The following CYFIP1 variants were observed in gnomAD, a reference collection of about 807,000 sequenced individuals.
The protein encoded by CYFIP1 is cytoplasmic FMR1 interacting protein 1, also known as cytoplasmic FMR1-interacting protein 1.
CYFIP1 carries 58 observed loss-of-function variants against 163.5 expected under a neutral mutation model. That is an observed-to-expected ratio of 0.35 (90% CI 0.29 to 0.44). CYFIP1 has a LOEUF of 0.44. Among genes scored for constraint, CYFIP1 ranks in the 20% least tolerant of loss-of-function variants. The pLI is 1.00. For missense variants in CYFIP1, 1,338 were observed against 1,653.8 expected, an observed-to-expected ratio of 0.81 and a Z score of 3.31; for synonymous variants, 663 against 660.7, an observed-to-expected ratio of 1.00 and a Z score of -0.05.
At chr15:22,870,519 C>T (rs1035506223) in intron 30 of CYFIP1, among the ~76,000 whole-genome samples, 2 of 152,072 alleles carry the variant, frequency 1.3e-5, no homozygotes, top group African/African-American at 2.4e-5. Flanking sequence ...ATTATGCTGT[C>T]CAGGATGGTC....
chr15:22,947,871 C>T (rs1212535887), intron 1 of CYFIP1: 1 of 903,568 alleles, frequency 1.1e-6, no homozygotes. Flanking sequence ...GCAGCTGGAG[C>T]AGAGGTGCAG....
At chr15:22,912,310 C>T in intron 17 of CYFIP1, 35 bp from the exon 18 acceptor site, 1 of 1,514,362 alleles carries the variant, frequency 6.6e-7, no homozygotes, top group Non-Finnish European at 9.0e-7. Context: ...CCAGCAGCCT[C>T]TGCCACTCAC....
Position 22,869,367 on chromosome 15 carries a change from A to G in CYFIP1, c.*661T>C, listed in dbSNP as rs1479166160. 3 of 152,178 alleles carry G rather than the reference A, an allele frequency of 2.0e-5. No homozygotes were observed. In the East Asian group the frequency reaches 5.8e-4, roughly 29 times the overall value. 9.4% of individuals were successfully genotyped at this position (152,178 alleles called of 1,614,324 possible). On this transcript the variant is annotated 3_prime_UTR_variant, in exon 31 of 31. Transcript: ENST00000617928. The stretch of plus-strand genomic sequence containing the variant: ...CGGTCCCATCCCACCTCAGCCTTAG[A>G]GGTGACCTCCATCCCAGCTGGCCTG...
At chr15:22,926,598 A>G (rs914300814) in intron 12 of CYFIP1, among the ~76,000 whole-genome samples, 1 of 152,244 alleles carries the variant, frequency 6.6e-6, no homozygotes, top group Non-Finnish European at 1.5e-5. Flanking sequence ...TGTGATCAAA[A>G]TAAATCACAA....
rs1440801559 is a variant in CYFIP1 at position 22,974,574 on chromosome 15, C to T, written c.-7+5713G>A. On this transcript the variant is annotated intron_variant, in intron 1 of 30. Coordinates refer to ENST00000617928, the MANE Select transcript of CYFIP1 (RefSeq NM_014608.6). ...GAAACCCCTTCCTCTACTAAAAATG[C>T]AAAAAAATTAGTCAGGCTTGGTGGC... Among the ~76,000 whole-genome samples, 6 of 151,886 alleles carry T rather than the reference C, an allele frequency of 4.0e-5. No homozygotes were observed. The East Asian group carries it at 1.2e-3, about 29-fold the overall frequency.
At position 22,917,453 on chromosome 15, in the gene CYFIP1, GTAAAAAT is replaced by G. The variant is rs2061026276; in HGVS notation, c.1674+328_1674+334del. ...ATCTACAGTCATTTGCAGACCCAAC[GTAAAAAT>G]TATACAGACATTCAAACACCCATCA... On this transcript the variant is annotated intron_variant, in intron 15 of 30. Coordinates refer to ENST00000617928, the MANE Select transcript of CYFIP1 (RefSeq NM_014608.6). This position sits in a 1 kb window ranked among gnomAD's most constrained non-coding sequence, Gnocchi z 4.2. 1 of 529,116 alleles carries G rather than the reference GTAAAAAT, an allele frequency of 1.9e-6. No homozygotes were observed. The highest frequency in any genetic ancestry group is 3.5e-5 in the South Asian group (1 of 28,636). 32.8% of individuals were successfully genotyped at this position (529,116 alleles called of 1,614,324 possible).
At chr15:22,951,260 C>T in intron 1 of CYFIP1, 7 of 1,016,734 alleles carry the variant, frequency 6.9e-6, no homozygotes, top group Non-Finnish European at 8.5e-6. Context: ...CGACCGCAGC[C>T]GGTCACTGCT....
At chr15:22,873,851 G>T in intron 28 of CYFIP1, 122 bp from the exon 29 acceptor site, 1 of 862,088 alleles carries the variant, frequency 1.2e-6, no homozygotes, top group Non-Finnish European at 1.8e-6. Flanking sequence ...GAGTGCAGTG[G>T]CACAATCACA....
chr15:22,913,609 A>G (rs1246781489), intron 17 of CYFIP1, among the ~76,000 whole-genome samples: 1 of 93,562 alleles, frequency 1.1e-5, no homozygotes, highest in Non-Finnish European at 2.2e-5. Flanking sequence ...CAGCATTAAA[A>G]AAAAAAAAAA....
In CYFIP1 at chr15:22,943,478, G is replaced by T. The variant is rs950271362; in HGVS notation, c.388-124C>A. The T allele has an allele frequency of 1.0e-5, 11 of 1,080,680 alleles. No individual in the cohort carries two copies. In the African/African-American group the frequency reaches 1.1e-4, roughly 11 times the overall value. The allele number at this position is 1,080,680 out of a possible 1,614,324, so 66.9% of individuals were successfully genotyped here. A position where few individuals can be genotyped will look rare whatever the true frequency, so the allele number is the denominator to read the frequency against. ...AAACGATCTGCCCAGTGAGGCTCCAGGCCGAAGTGTTTACAATGTGGGCAA... is the reference window on the plus strand; with the variant it reads ...AAACGATCTGCCCAGTGAGGCTCCATGCCGAAGTGTTTACAATGTGGGCAA... On this transcript the variant is annotated intron_variant, in intron 5 of 30. Transcript: ENST00000617928.
At chr15:22,937,596 CTTTT>C (rs919893437) in intron 8 of CYFIP1, among the ~76,000 whole-genome samples, 19 of 143,746 alleles carry the variant, frequency 1.3e-4, no homozygotes, top group East Asian at 1.2e-3. Context: ...ACTAAAAATT[CTTTT>C]TTTGTTTTTT....
intron 1 of CYFIP1, among the ~76,000 whole-genome samples, chr15:22,959,893 C>T (rs975498792): frequency 6.6e-6 from 1 of 152,232 alleles, no homozygotes; most frequent in African/African-American, 2.4e-5. Context: ...CCAGCATCCA[C>T]ACCTCCTGAT....
chr15:22,875,059 ACTC>A, intron 27 of CYFIP1, 137 bp downstream of exon 27: 1 of 721,726 alleles, frequency 1.4e-6, no homozygotes, highest in Non-Finnish European at 2.4e-6. Context: ...GGTTCTGTAC[ACTC>A]CTCATTACCC....
At chr15:22,944,777 G>C in intron 4 of CYFIP1, 85 bp downstream of exon 4, 1 of 1,530,106 alleles carries the variant, frequency 6.5e-7, no homozygotes, top group South Asian at 1.1e-5. Context: ...AGGAGAGTGG[G>C]CCAGGCATGG....
rs767860456 is a variant in CYFIP1 at position 22,916,907 on chromosome 15, G to C, written c.1675-277C>G. 1.4e-4 allele frequency: 223 copies of C among 1,551,604 alleles called. 1 individual carries two copies. The Middle Eastern group carries it at 2.2e-3, about 15-fold the overall frequency. On this transcript the variant is annotated intron_variant, in intron 15 of 30. Coordinates refer to ENST00000617928, the MANE Select transcript of CYFIP1 (RefSeq NM_014608.6). ...CACCAAAGGTTAAAAGGGGTAGGTAGGTGCACGACTGCCTCAGAAACGTGT... is the reference window on the plus strand; with the variant it reads ...CACCAAAGGTTAAAAGGGGTAGGTACGTGCACGACTGCCTCAGAAACGTGT...
intron 22 of CYFIP1, among the ~76,000 whole-genome samples, chr15:22,901,201 A>G (rs2060382254): frequency 6.6e-6 from 1 of 150,826 alleles, no homozygotes; most frequent in African/African-American, 2.4e-5. Context: ...AGACTCTGTC[A>G]CAAAAAAACA....
At chr15:22,909,337 C>T (rs2142051374) in intron 20 of CYFIP1, 24 bp from the exon 21 acceptor site, 7 of 1,613,202 alleles carry the variant, frequency 4.3e-6, no homozygotes, top group Non-Finnish European at 5.9e-6. Flanking sequence ...GGAAGGATGG[C>T]AGGTAAAGAG....
chr15:22,928,017 G>T lies in CYFIP1; in HGVS notation c.1122C>A (p.Gly374=). 6.4e-7 allele frequency: 1 copy of T among 1,565,302 alleles called. No homozygotes were observed. The highest frequency in any genetic ancestry group is 8.6e-7 in the Non-Finnish European group (1 of 1,159,904). The change falls in exon 12 of 31, where the codon GGC becomes GGA. Residue 374 remains glycine (G), a synonymous_variant. Coordinates refer to ENST00000617928, the MANE Select transcript of CYFIP1 (RefSeq NM_014608.6). ...TCTTCTGGGCCTCCTGGCGGCCCGAGCCCGTGACCACCTGCACAAGGCGGG... is the reference window on the plus strand; with the variant it reads ...TCTTCTGGGCCTCCTGGCGGCCCGATCCCGTGACCACCTGCACAAGGCGGG... ...ARYSNSEVVT[G]SGRQEAQKTD...
intron 26 of CYFIP1, among the ~76,000 whole-genome samples, chr15:22,877,428 G>A (rs374004793): frequency 3.3e-5 from 5 of 152,256 alleles, no homozygotes; most frequent in African/African-American, 9.6e-5. Context: ...ACACAAAATG[G>A]ACTAAGATAG....
Sources: gnomAD v4.1 joint callset for allele counts (sites outside exome capture counted in the v4.1 genomes callset) on GRCh38, gnomAD v4.1.1 for gene constraint, Gnocchi (gnomAD v3.1) non-coding constraint, MANE v1.5 for transcripts, NCBI Gene and HGNC (gene_info 2026-07-23, HGNC 2026-07-21) for gene names.